Variants in AGMO observed in about 807,000 individuals in gnomAD.
AGMO encodes the protein glyceryl-ether monooxygenase.
AGMO carries 75 observed loss-of-function variants against 60.2 expected under a neutral mutation model. The observed-to-expected ratio is 1.25, with a 90% CI of 1.03 to 1.51. The LOEUF (loss-of-function observed/expected upper bound fraction) is 1.51, where lower values mean the gene tolerates loss of function less well. Among genes scored for constraint, AGMO ranks in the 40% most tolerant of loss-of-function variants. The probability of loss-of-function intolerance (pLI) is 0.00; values close to 1 mark genes in which losing one functional copy is unlikely to be tolerated. For missense variants in AGMO, 763 were observed against 525.5 expected (o/e 1.45, Z -4.42); for synonymous variants, 261 against 177.1 (o/e 1.47, Z -3.76).
chr7:15,285,125 C>G (rs1162441201), intron 12 of AGMO, among the ~76,000 whole-genome samples: 1 of 151,600 alleles, frequency 6.6e-6, no homozygotes, highest in Non-Finnish European at 1.5e-5. Context: ...CAATGTCATA[C>G]TGAATGGTGA....
At chr7:15,419,822 A>G (rs1780877701) in intron 4 of AGMO, among the ~76,000 whole-genome samples, 1 of 152,042 alleles carries the variant, frequency 6.6e-6, no homozygotes, top group African/African-American at 2.4e-5. Flanking sequence ...AAGCTTCTCT[A>G]GGCTTCAGTT....
intron 3 of AGMO, among the ~76,000 whole-genome samples, chr7:15,467,795 A>C (rs1343131374): frequency 6.6e-6 from 1 of 152,180 alleles, no homozygotes; most frequent in East Asian, 1.9e-4. Context: ...CTATAATTTT[A>C]AGGAAATATA....
At chr7:15,191,089 G>A in the AGMO span, among the ~76,000 whole-genome samples, 2 of 152,092 alleles carry the variant, frequency 1.3e-5, no homozygotes, top group African/African-American at 4.8e-5. Flanking sequence ...ATTTCTTTGG[G>A]AACAAAGTTA....
At chr7:15,388,586 T>C (rs1784016625) in intron 8 of AGMO, among the ~76,000 whole-genome samples, 1 of 152,204 alleles carries the variant, frequency 6.6e-6, no homozygotes, top group Admixed American at 6.5e-5. Context: ...AATATTGTTT[T>C]TCACTTATTT....
At chr7:15,268,578 A>G (rs565183925) in intron 12 of AGMO, among the ~76,000 whole-genome samples, 4 of 152,064 alleles carry the variant, frequency 2.6e-5, no homozygotes, top group Non-Finnish European at 5.9e-5. Flanking sequence ...AAAAACTAGC[A>G]AACTGATTAA....
chr7:15,365,536 G>C lies in AGMO; in HGVS notation c.1241C>G (p.Pro414Arg), dbSNP rs749828814. 12 of 1,612,318 alleles carry C rather than the reference G, an allele frequency of 7.4e-6. No individual in the cohort carries two copies. In the African/African-American group the frequency reaches 1.6e-4, roughly 22 times the overall value. The part of the protein sequence containing the change: ...YRFGHLKPLV[P>R]SLSSAFEIVF... Reference sequence around the variant, plus strand: ...TACCTCAAAAGCAGATGACAATGAAGGGACAAGAGGCTTCAGGTGACCAAA... The same window carrying C: ...TACCTCAAAAGCAGATGACAATGAACGGACAAGAGGCTTCAGGTGACCAAA... The change falls in exon 12 of 13, where the codon CCT becomes CGT. Residue 414 changes from proline (P) to arginine (R), a missense_variant. By Grantham distance (103) the Pro-to-Arg change is moderately radical. Coordinates refer to ENST00000342526, the MANE Select transcript of AGMO (RefSeq NM_001004320.2).
At chr7:15,281,719 T>C (rs180674193) in intron 12 of AGMO, among the ~76,000 whole-genome samples, 26 of 152,156 alleles carry the variant, frequency 1.7e-4, no homozygotes, top group African/African-American at 6.3e-4. Flanking sequence ...GCCACACCAG[T>C]CTCTACCCAG....
the AGMO span, among the ~76,000 whole-genome samples, chr7:15,174,260 A>G: frequency 6.6e-6 from 1 of 152,104 alleles, no homozygotes; most frequent in Non-Finnish European, 1.5e-5. Context: ...ACATCCACAG[A>G]TATGTAAATA....
chr7:15,327,911 G>A (rs1781392911), intron 12 of AGMO, among the ~76,000 whole-genome samples: 1 of 150,488 alleles, frequency 6.6e-6, no homozygotes, highest in Admixed American at 6.6e-5. Flanking sequence ...GACTACAGGT[G>A]TATGCCATGT....
rs1284699120 is a variant in AGMO at position 15,385,568 on chromosome 7, G to A, written c.958-6C>T. On this transcript the variant is annotated splice_region_variant and splice_polypyrimidine_tract_variant and intron_variant, in intron 9 of 12. Coordinates refer to ENST00000342526, the MANE Select transcript of AGMO (RefSeq NM_001004320.2). ...GGAACTTCTTTGCCGGTGACCTAGG[G>A]AGACAAGAACCATTTCCTTTATATT... The A allele has an allele frequency of 5.9e-6, 9 of 1,536,518 alleles. No individual in the cohort carries two copies. Among genetic ancestry groups the A allele is most frequent in the Non-Finnish European group, 8.1e-6 (9 of 1,110,280 alleles).
chr7:15,332,940 G>C (rs935302369), intron 12 of AGMO, among the ~76,000 whole-genome samples: 1 of 152,084 alleles, frequency 6.6e-6, no homozygotes, highest in African/African-American at 2.4e-5. Context: ...GCATATGAAA[G>C]TTAAATGTAT....
chr7:15,318,513 A>G (rs1781009843), intron 12 of AGMO, among the ~76,000 whole-genome samples: 1 of 152,142 alleles, frequency 6.6e-6, no homozygotes, highest in Non-Finnish European at 1.5e-5. Context: ...AAATAAGCTG[A>G]TATGATTGAC....
the AGMO span, among the ~76,000 whole-genome samples, chr7:15,161,965 T>C: frequency 6.6e-6 from 1 of 152,076 alleles, no homozygotes. Context: ...TCCACCCAAA[T>C]CTCATCTCAA....
At chr7:15,123,716 T>C in the AGMO span, among the ~76,000 whole-genome samples, 10 of 152,014 alleles carry the variant, frequency 6.6e-5, no homozygotes, top group African/African-American at 1.9e-4. Context: ...GCCTGGTCAT[T>C]ATGCTTCACT....
chr7:15,259,751 T>C lies in AGMO; in HGVS notation c.1264-58392A>G, dbSNP rs752444096. On this transcript the variant is annotated intron_variant, in intron 12 of 12. Transcript: ENST00000342526. Reference sequence around the variant, plus strand: ...AAGCTAGAAGGGATTTGGGTCCTATTTTTAGTCTCCTTAAACAAAACAGTT... The same window carrying C: ...AAGCTAGAAGGGATTTGGGTCCTATCTTTAGTCTCCTTAAACAAAACAGTT... Among the ~76,000 whole-genome samples the C allele has an allele frequency of 8.4e-4, 127 of 151,742 alleles. 1 individual carries two copies. Among genetic ancestry groups the C allele is most frequent in the Non-Finnish European group, 1.5e-3 (100 of 67,930 alleles).
intron 10 of AGMO, among the ~76,000 whole-genome samples, chr7:15,384,517 C>T (rs1783832972): frequency 6.6e-6 from 1 of 152,068 alleles, no homozygotes; most frequent in South Asian, 2.1e-4. Flanking sequence ...GTCCTATACA[C>T]CTTAAAGATA....
Position 15,201,281 on chromosome 7 carries a change from C to T in AGMO, c.*4G>A, listed in dbSNP as rs745616103. Reference sequence around the variant, plus strand: ...AAAAGAAGAGAATTATGTACAAATTCAGGTTATTTCCAAGGGTGAGAGGTG... The same window carrying T: ...AAAAGAAGAGAATTATGTACAAATTTAGGTTATTTCCAAGGGTGAGAGGTG... On this transcript the variant is annotated 3_prime_UTR_variant, in exon 13 of 13. Coordinates refer to ENST00000342526, the MANE Select transcript of AGMO (RefSeq NM_001004320.2). 6.2e-7 allele frequency: 1 copy of T among 1,602,306 alleles called. No homozygotes were observed. The highest frequency in any genetic ancestry group is 1.1e-5 in the South Asian group (1 of 89,152).
chr7:15,388,840 A>T (rs1784028054), intron 8 of AGMO, among the ~76,000 whole-genome samples: 2 of 152,204 alleles, frequency 1.3e-5, no homozygotes, highest in African/African-American at 4.8e-5. Context: ...CCGGCTTGAC[A>T]TTTCTGACAA....
intron 3 of AGMO, among the ~76,000 whole-genome samples, chr7:15,514,356 T>C (rs1333607272): frequency 1.3e-5 from 2 of 152,206 alleles, no homozygotes; most frequent in Non-Finnish European, 2.9e-5. Flanking sequence ...ACTTGTTATA[T>C]ATGTGAATGA....
Sources: allele counts gnomAD v4.1 joint callset (sites outside exome capture counted in the v4.1 genomes callset), GRCh38; gene constraint gnomAD v4.1.1; transcripts MANE v1.5; gene names NCBI Gene and HGNC (gene_info 2026-07-23, HGNC 2026-07-21).